The following FMO4 variants were observed in gnomAD, a reference collection of about 807,000 sequenced individuals.
FMO4 encodes flavin containing dimethylaniline monoxygenase 4, also known as dimethylaniline monooxygenase [N-oxide-forming] 4.
In FMO4, 38 loss-of-function variants were observed where a neutral mutation model predicts 43.3. The observed-to-expected ratio is 0.88, with a 90% CI of 0.68 to 1.15. The LOEUF is 1.15. Ranked by LOEUF, FMO4 falls within the 50% of genes most tolerant of loss-of-function variation. FMO4 has a pLI of 0.00. For synonymous variants in FMO4, 224 were observed against 232.2 expected (o/e 0.96, Z 0.32); for missense variants, 631 against 663.3 (o/e 0.95, Z 0.54).
At chr1:171,319,576 G>GAATTCAGTAAACTGAATTTACTC (rs1558034135) in intron 2 of FMO4, among the ~76,000 whole-genome samples, 1 of 152,154 alleles carries the variant, frequency 6.6e-6, no homozygotes, top group African/African-American at 2.4e-5. Context: ...TTTTACAGGT[G>GAATTCAGTAAACTGAATTTACTC]AGAAAACTGA....
intron 2 of FMO4, among the ~76,000 whole-genome samples, chr1:171,318,819 T>A (rs12757839): frequency 0.2 from 30,929 of 152,062 alleles, 4,345 homozygotes; most frequent in African/African-American, 0.4. Flanking sequence ...TTATTATTAT[T>A]ACTATTAAAA....
rs574483531 is a variant in FMO4 at position 171,335,059 on chromosome 1, T to C, written c.1180+296T>C. Among the ~76,000 whole-genome samples the C allele has an allele frequency of 2.0e-5, 3 of 152,338 alleles. No individual in the cohort carries two copies. In the South Asian group the frequency reaches 6.2e-4, roughly 32 times the overall value. On this transcript the variant is annotated intron_variant, in intron 8 of 9. Coordinates refer to ENST00000367749, the MANE Select transcript of FMO4 (RefSeq NM_002022.3). ...TCCTGTTCTAGCCTAGTCTAATCTA[T>C]CTACTCCTAAATCTTTTCATTTAGT...
rs1663400849 is a variant in FMO4 at position 171,342,034 on chromosome 1, A to T, written c.*195A>T. ...TGCCACCCTTTCCAATGCATCTTCT[A>T]CCCTGCTACCTCAGTGATTATTCTA... On this transcript the variant is annotated 3_prime_UTR_variant, in exon 10 of 10. Coordinates refer to ENST00000367749, the MANE Select transcript of FMO4 (RefSeq NM_002022.3). The T allele has an allele frequency of 1.8e-6, 1 of 564,444 alleles. No homozygotes were observed. Among genetic ancestry groups the T allele is most frequent in the African/African-American group, 1.9e-5 (1 of 53,418 alleles). 35.0% of individuals were successfully genotyped at this position (564,444 alleles called of 1,614,324 possible).
intron 2 of FMO4, 143 bp from the exon 3 acceptor site, chr1:171,319,675 G>A: frequency 3.1e-6 from 2 of 651,508 alleles, no homozygotes; most frequent in South Asian, 2.0e-5. Context: ...TTCAGAGCCT[G>A]GATTTTTAAG....
rs1395865677 is a variant in FMO4 at position 171,341,794 on chromosome 1, A to G, written c.1632A>G (p.Leu544=). Residue 544 remains leucine (L), a synonymous_variant, in exon 10 of 10, where the codon CTA becomes CTG. Transcript: ENST00000367749. ...TCTTGAAATTGGTGAGAGATAAACT[A>G]CAGGACAGAATGTCCCCTTACCTAG... The part of the protein sequence containing the change: ...SLFLKLVRDK[L]QDRMSPYLVS... The G allele has an allele frequency of 1.9e-6, 3 of 1,613,868 alleles. No individual in the cohort carries two copies. Among genetic ancestry groups the G allele is most frequent in the Non-Finnish European group, 2.5e-6 (3 of 1,179,908 alleles).
chr1:171,332,157 T>A (rs547700506), intron 6 of FMO4, among the ~76,000 whole-genome samples: 1 of 152,280 alleles, frequency 6.6e-6, no homozygotes, highest in South Asian at 2.1e-4. Flanking sequence ...TATGTAAGAA[T>A]AGAAAGGTCA....
At chr1:171,330,196 C>A (rs764659473) in intron 5 of FMO4, among the ~76,000 whole-genome samples, 1 of 152,118 alleles carries the variant, frequency 6.6e-6, no homozygotes, top group African/African-American at 2.4e-5. Context: ...GAACTTGAAG[C>A]CTTGGAGTGA....
rs1663374546 is a variant in FMO4 at position 171,341,576 on chromosome 1, C to CGTA, written c.1415_1416insTAG (p.Arg472_Leu473insSer). 6.2e-7 allele frequency: 1 copy of CGTA among 1,614,016 alleles called. No individual in the cohort carries two copies. Among genetic ancestry groups the CGTA allele is most frequent in the Admixed American group, 1.7e-5 (1 of 59,978 alleles). On this transcript the variant is annotated inframe_insertion, in exon 10 of 10. Transcript: ENST00000367749. ...TGGACCATGTACTCCTTATCAGTAC[C>CGTA]GCCTCATGGGCCCTGGAAAATGGGA...
intron 8 of FMO4, among the ~76,000 whole-genome samples, chr1:171,335,341 T>C (rs911087561): frequency 6.6e-6 from 1 of 152,202 alleles, no homozygotes; most frequent in African/African-American, 2.4e-5. Context: ...AAATCCCGTA[T>C]GACAAGAATT....
intron 3 of FMO4, among the ~76,000 whole-genome samples, chr1:171,320,526 C>T (rs1662372029): frequency 6.6e-6 from 1 of 152,136 alleles, no homozygotes; most frequent in Non-Finnish European, 1.5e-5. Flanking sequence ...TATTTAGCCT[C>T]GGAGGCTACA....
chr1:171,334,238 A>G (rs1037304846), intron 7 of FMO4, among the ~76,000 whole-genome samples, 173 bp from the exon 8 acceptor site: 1 of 152,214 alleles, frequency 6.6e-6, no homozygotes, highest in Non-Finnish European at 1.5e-5. Flanking sequence ...GAGAACAGAA[A>G]CACAAAACCA....
chr1:171,314,784 A>G (rs1662128956), intron 1 of FMO4, among the ~76,000 whole-genome samples: 1 of 152,186 alleles, frequency 6.6e-6, no homozygotes, highest in South Asian at 2.1e-4. Context: ...ACAAAGCAAG[A>G]GCATGGTAGG....
chr1:171,338,471 C>T (rs1421198506), intron 9 of FMO4, among the ~76,000 whole-genome samples: 1 of 152,170 alleles, frequency 6.6e-6, no homozygotes, highest in Non-Finnish European at 1.5e-5. Context: ...TTGATATGCC[C>T]TCACTGCCTA....
At chr1:171,325,817 C>CTTTTTTTTTTTTTTTTTTTT (rs869107866) in intron 5 of FMO4, among the ~76,000 whole-genome samples, 2 of 51,032 alleles carry the variant, frequency 3.9e-5, no homozygotes, top group Non-Finnish European at 8.1e-5. Flanking sequence ...ATAGACTATC[C>CTTTTTTTTTTTTTTTTTTTT]TTTTTTTTTT....
At chr1:171,321,118 T>A (rs1662405739) in intron 3 of FMO4, among the ~76,000 whole-genome samples, 2 of 152,152 alleles carry the variant, frequency 1.3e-5, no homozygotes, top group Admixed American at 6.5e-5. Flanking sequence ...AAATATTGGG[T>A]CTGGTTTATG....
chr1:171,324,140 C>G lies in FMO4; in HGVS notation c.324C>G (p.Thr108=), dbSNP rs1262840368. 1 of 1,606,842 alleles carries G rather than the reference C, an allele frequency of 6.2e-7. No homozygotes were observed. The highest frequency in any genetic ancestry group is 1.3e-5 in the African/African-American group (1 of 74,608). The part of the protein sequence containing the change: ...FDLLKYIQFK[T]TVCSITKRPD... ...GAGTGTTTGTCTTTCACTTTTAGAC[C>G]ACTGTGTGCAGCATAACGAAGCGTC... Residue 108 remains threonine (T), a splice_region_variant and synonymous_variant, in exon 5 of 10, where the codon ACC becomes ACG. Coordinates refer to ENST00000367749, the MANE Select transcript of FMO4 (RefSeq NM_002022.3).
At chr1:171,330,356 A>C (rs533616078) in intron 5 of FMO4, among the ~76,000 whole-genome samples, 1 of 152,326 alleles carries the variant, frequency 6.6e-6, no homozygotes, top group East Asian at 1.9e-4. Context: ...CTGCTGCTGT[A>C]AACACCCTGT....
rs1663048607 is a variant in FMO4, at chr1:171,334,729, G to A, written c.1146G>A (p.Glu382=). ...AAGGATCCATCTTATCAGGCACAGA[G>A]CTCCAAGCACGATGGGTCACAAGAG... ...GLKGSILSGT[E]LQARWVTRVF... Residue 382 remains glutamate (E), a synonymous_variant, in exon 8 of 10, where the codon GAG becomes GAA. Transcript: ENST00000367749. The A allele has an allele frequency of 1.3e-6, 2 of 1,597,182 alleles. No individual in the cohort carries two copies. The highest frequency in any genetic ancestry group is 1.7e-6 in the Non-Finnish European group (2 of 1,174,686).
intron 9 of FMO4, among the ~76,000 whole-genome samples, chr1:171,339,316 C>T (rs957373708): frequency 1.3e-5 from 2 of 152,014 alleles, no homozygotes; most frequent in Non-Finnish European, 2.9e-5. Flanking sequence ...TTTTAAGAAC[C>T]TACAACTATT....
Sources: allele counts gnomAD v4.1 joint callset (sites outside exome capture counted in the v4.1 genomes callset), GRCh38; gene constraint gnomAD v4.1.1; transcripts MANE v1.5; gene names NCBI Gene and HGNC (gene_info 2026-07-23, HGNC 2026-07-21).